TRAPPC9: variants seen among roughly 807,000 people sequenced by gnomAD.
TRAPPC9 encodes trafficking protein particle complex subunit 9.
In TRAPPC9, 83 loss-of-function variants were observed where a neutral mutation model predicts 124.0. The observed-to-expected ratio is 0.67, with a 90% CI of 0.56 to 0.80. TRAPPC9 has a LOEUF of 0.80. TRAPPC9 is among the 30% of genes least tolerant of loss of function. The pLI is 0.00. For missense variants in TRAPPC9, 1,302 were observed against 1,508.3 expected (o/e 0.86, Z 2.27); for synonymous variants, 638 against 617.5 (o/e 1.03, Z -0.49).
chr8:139,732,179 A>G lies in TRAPPC9; in HGVS notation c.3079T>C (p.Cys1027Arg). Residue 1027 changes from cysteine to arginine, a missense_variant, in exon 22 of 23, where the codon TGT becomes CGT. Coordinates refer to ENST00000438773, the MANE Select transcript of TRAPPC9 (RefSeq NM_001160372.4). ...CAGGCCGCCACAGCCTCGCGGTCAC[A>G]TGGCTGTCCGTCCACCAGCACATCT... The part of the protein sequence containing the change: ...QWDVLVDGQP[C>R]DREAVAACQV... 1 of 1,595,788 alleles carries G rather than the reference A, an allele frequency of 6.3e-7. No individual in the cohort carries two copies. The highest frequency in any genetic ancestry group is 8.5e-7 in the Non-Finnish European group (1 of 1,175,950).
intron 17 of TRAPPC9, among the ~76,000 whole-genome samples, chr8:140,035,782 G>C (rs1403947804): frequency 1.3e-5 from 2 of 152,214 alleles, no homozygotes; most frequent in Admixed American, 1.3e-4. Context: ...GAATCGGCCT[G>C]AAGAAGCGTC....
At chr8:140,054,632 T>C (rs75856162) in intron 17 of TRAPPC9, among the ~76,000 whole-genome samples, 28,674 of 151,962 alleles carry the variant, frequency 0.19, 4,060 homozygotes, top group African/African-American at 0.39. Flanking sequence ...AAAGCTAAAA[T>C]TGACAAGCCT....
intron 19 of TRAPPC9, among the ~76,000 whole-genome samples, chr8:139,973,051 A>G (rs1836207191): frequency 6.6e-6 from 1 of 152,218 alleles, no homozygotes; most frequent in Non-Finnish European, 1.5e-5. Context: ...TGGCTTCAAC[A>G]ACTAGAGCGC....
chr8:140,445,109 C>T (rs2071194198), intron 2 of TRAPPC9, among the ~76,000 whole-genome samples: 1 of 152,190 alleles, frequency 6.6e-6, no homozygotes, highest in Non-Finnish European at 1.5e-5. Flanking sequence ...CGTTTGAATG[C>T]CCAACAGGCA....
intron 17 of TRAPPC9, among the ~76,000 whole-genome samples, chr8:140,135,830 G>A (rs1306296534): frequency 2.0e-5 from 3 of 152,214 alleles, no homozygotes. Context: ...AAACCAGGTA[G>A]CAGTCGCTGT....
intron 17 of TRAPPC9, among the ~76,000 whole-genome samples, chr8:140,118,632 C>T (rs1310078224): frequency 6.6e-6 from 1 of 152,204 alleles, no homozygotes; most frequent in African/African-American, 2.4e-5. Flanking sequence ...ATGCCTCCAC[C>T]TGCGGGTCTG....
chr8:140,417,746 A>G (rs573033888), intron 5 of TRAPPC9, among the ~76,000 whole-genome samples: 1 of 152,348 alleles, frequency 6.6e-6, no homozygotes, highest in East Asian at 1.9e-4. Flanking sequence ...ATTCTACTAT[A>G]AAGACACATG....
chr8:140,458,447 G>T, upstream of TRAPPC9: 1 of 1,578,032 alleles, frequency 6.3e-7, no homozygotes, highest in Non-Finnish European at 8.6e-7. Flanking sequence ...ACCGTGGCGC[G>T]CGCGGCCTGG....
rs1178865385 is a variant in TRAPPC9 at position 140,104,388 on chromosome 8, T to C, written c.2557-80309A>G. On this transcript the variant is annotated intron_variant, in intron 17 of 22. Transcript: ENST00000438773. This position sits in a 1 kb window ranked among gnomAD's most constrained non-coding sequence, Gnocchi z 4.0. ...GAGAAATATGAGGCAACATGGAATA[T>C]CATCAGGAATAAAGATGACTGAGAC... Among the ~76,000 whole-genome samples, 1 of 152,006 alleles carries C rather than the reference T, an allele frequency of 6.6e-6. No homozygotes were observed. The highest frequency in any genetic ancestry group is 1.5e-5 in the Non-Finnish European group (1 of 67,984).
chr8:139,929,766 G>T (rs1404676627), intron 19 of TRAPPC9, among the ~76,000 whole-genome samples: 1 of 152,236 alleles, frequency 6.6e-6, no homozygotes, highest in Admixed American at 6.5e-5. Context: ...TCCCTTGGCT[G>T]GTCACCCAGC....
chr8:140,287,161 C>T (rs753463797), intron 13 of TRAPPC9, among the ~76,000 whole-genome samples: 1 of 152,128 alleles, frequency 6.6e-6, no homozygotes, highest in African/African-American at 2.4e-5. Flanking sequence ...AGAAACAAAA[C>T]TGAAAAGTAG....
chr8:140,069,299 T>C (rs1301628867), intron 17 of TRAPPC9, among the ~76,000 whole-genome samples: 1 of 152,158 alleles, frequency 6.6e-6, no homozygotes, highest in Non-Finnish European at 1.5e-5. Context: ...ACTGTCAACC[T>C]TCCCTGCCCA....
At chr8:140,242,813 G>A (rs6982187) in intron 16 of TRAPPC9, among the ~76,000 whole-genome samples, 3,843 of 152,328 alleles carry the variant, frequency 0.025, 70 homozygotes, top group African/African-American at 0.048. Context: ...CGGGCCAGGG[G>A]AGGGAAGCTC....
chr8:140,085,312 A>G (rs112252738), intron 17 of TRAPPC9, among the ~76,000 whole-genome samples: 4,096 of 144,100 alleles, frequency 0.028, 135 homozygotes, highest in Admixed American at 0.11. Flanking sequence ...CTGCATAAGT[A>G]TGTTTGCAGA....
At chr8:140,280,280 A>C (rs561572126) in intron 14 of TRAPPC9, among the ~76,000 whole-genome samples, 65 of 152,326 alleles carry the variant, frequency 4.3e-4, no homozygotes, top group African/African-American at 1.5e-3. Flanking sequence ...GGCGGAAATC[A>C]TGTGTCCATC....
chr8:140,185,381 C>A (rs2131040735), intron 17 of TRAPPC9, among the ~76,000 whole-genome samples: 1 of 152,320 alleles, frequency 6.6e-6, no homozygotes, highest in East Asian at 1.9e-4. Context: ...GATCCAGGTG[C>A]TACGCCATCA....
intron 19 of TRAPPC9, among the ~76,000 whole-genome samples, chr8:139,974,791 G>C (rs1836327235): frequency 6.6e-6 from 1 of 152,058 alleles, no homozygotes. Flanking sequence ...GCTCACAGAA[G>C]ACCAGCTCAT....
At position 140,446,670 on chromosome 8, in the gene TRAPPC9, C is replaced by T. The variant is rs141845558; in HGVS notation, c.584+4120G>A. ...CCAGATTCAAGTAATTCTCTTGCCTCAGCCTCTCAAGTAAGCTGGGACTAC... is the reference window on the plus strand; with the variant it reads ...CCAGATTCAAGTAATTCTCTTGCCTTAGCCTCTCAAGTAAGCTGGGACTAC... On this transcript the variant is annotated intron_variant, in intron 2 of 22. Coordinates refer to ENST00000438773, the MANE Select transcript of TRAPPC9 (RefSeq NM_001160372.4). Among the ~76,000 whole-genome samples, 1,275 of 152,262 alleles carry T rather than the reference C, an allele frequency of 8.4e-3. 23 individuals carry two copies. Among genetic ancestry groups the T allele is most frequent in the African/African-American group, 0.029 (1,200 of 41,562 alleles).
intron 16 of TRAPPC9, among the ~76,000 whole-genome samples, chr8:140,249,922 T>G (rs1413098436): frequency 6.6e-6 from 1 of 152,180 alleles, no homozygotes; most frequent in African/African-American, 2.4e-5. Flanking sequence ...CTTTCACTCT[T>G]AAATGCTTCT....
Sources: gnomAD v4.1 joint callset for allele counts (sites outside exome capture counted in the v4.1 genomes callset) on GRCh38, gnomAD v4.1.1 for gene constraint, Gnocchi (gnomAD v3.1) non-coding constraint, MANE v1.5 for transcripts, NCBI Gene and HGNC (gene_info 2026-07-23, HGNC 2026-07-21) for gene names.